ZNF407: variants seen among roughly 807,000 people sequenced by gnomAD.
ZNF407 encodes the protein zinc finger protein 407.
Under a neutral mutation model 131.2 loss-of-function variants are expected in ZNF407, and 17 were observed. The ratio of observed to expected loss-of-function variants is 0.13; its 90% CI spans 0.09 to 0.19. The LOEUF (loss-of-function observed/expected upper bound fraction) is 0.19, where lower values mean the gene tolerates loss of function less well. ZNF407 is among the 10% of genes least tolerant of loss of function. ZNF407 has a pLI of 1.00. For missense variants in ZNF407, 2,681 were observed against 2,830.6 expected, an observed-to-expected ratio of 0.95 and a Z score of 1.20; for synonymous variants, 1,156 against 1,062.0, an observed-to-expected ratio of 1.09 and a Z score of -1.72.
intron 3 of ZNF407, among the ~76,000 whole-genome samples, chr18:74,776,181 C>T (rs1007516620): frequency 6.6e-6 from 1 of 152,202 alleles, no homozygotes; most frequent in African/African-American, 2.4e-5. Flanking sequence ...CTTAAGGGAA[C>T]CTGTTTGCCC....
At chr18:74,617,074 CACACATCCATATCCAT>C (rs1983337547) in intron 1 of ZNF407, among the ~76,000 whole-genome samples, 13 of 106,412 alleles carry the variant, frequency 1.2e-4, no homozygotes, top group African/African-American at 2.4e-4. Flanking sequence ...TCCATATCCA[CACACATCCATATCCAT>C]GCACCAACAC....
At chr18:74,751,338 T>C (rs1968795989) in intron 3 of ZNF407, among the ~76,000 whole-genome samples, 1 of 152,158 alleles carries the variant, frequency 6.6e-6, no homozygotes, top group Non-Finnish European at 1.5e-5. Context: ...CACGTCTCAA[T>C]ACCATTTGTT....
At chr18:74,694,258 C>T (rs936807633) in intron 3 of ZNF407, among the ~76,000 whole-genome samples, 4 of 151,966 alleles carry the variant, frequency 2.6e-5, no homozygotes, top group Non-Finnish European at 4.4e-5. Context: ...AGACTTCACT[C>T]TAGGGATAGT....
At chr18:75,028,465 G>GCC (rs1973197745) in intron 8 of ZNF407, among the ~76,000 whole-genome samples, 1 of 152,106 alleles carries the variant, frequency 6.6e-6, no homozygotes, top group Non-Finnish European at 1.5e-5. Flanking sequence ...CTCTTTAAAG[G>GCC]CCCTGTCTTC....
chr18:75,060,261 AG>A (rs1037952343), intron 8 of ZNF407: 4 of 152,230 alleles, frequency 2.6e-5, no homozygotes, highest in African/African-American at 9.6e-5. Context: ...GAATTTGTTA[AG>A]CTAGACTTAC....
chr18:74,729,317 A>AG (rs1298340892), intron 3 of ZNF407, among the ~76,000 whole-genome samples: 1 of 152,192 alleles, frequency 6.6e-6, no homozygotes, highest in Non-Finnish European at 1.5e-5. Flanking sequence ...TGCCTGTGAA[A>AG]GATGAGAAGT....
chr18:74,784,420 C>A (rs1054300087), intron 4 of ZNF407, among the ~76,000 whole-genome samples: 1 of 152,148 alleles, frequency 6.6e-6, no homozygotes, highest in Non-Finnish European at 1.5e-5. Context: ...AATCCATATA[C>A]TTGTACTATA....
At chr18:74,788,960 T>C (rs1969773902) in intron 4 of ZNF407, among the ~76,000 whole-genome samples, 1 of 151,900 alleles carries the variant, frequency 6.6e-6, no homozygotes, top group African/African-American at 2.4e-5. Context: ...TGCGGATGGG[T>C]GATAATAGGG....
chr18:74,698,262 T>C (rs1044413848), intron 3 of ZNF407, among the ~76,000 whole-genome samples: 3 of 152,208 alleles, frequency 2.0e-5, no homozygotes, highest in African/African-American at 7.2e-5. Context: ...ATATGAGCCA[T>C]TTAGAAACAT....
intron 4 of ZNF407, among the ~76,000 whole-genome samples, chr18:74,782,964 G>A (rs1001484871): frequency 1.3e-5 from 2 of 152,068 alleles, no homozygotes; most frequent in Non-Finnish European, 2.9e-5. Flanking sequence ...TACATGCATT[G>A]AATGTGTCAG....
intron 3 of ZNF407, among the ~76,000 whole-genome samples, chr18:74,643,294 T>A (rs1156984016): frequency 1.3e-5 from 2 of 152,106 alleles, no homozygotes. Flanking sequence ...CATAAGCAGC[T>A]CATGCTGCAT....
In ZNF407 at chr18:74,631,000, G is replaced by T; in HGVS notation, c.-20G>T. ...TGCCAGTGAGCCGCCTTAGATAGAA[G>T]CATCGTCAGCACTTTATTAATGATG... On this transcript the variant is annotated 5_prime_UTR_variant, in exon 2 of 9. Transcript: ENST00000299687. 2 of 1,584,302 alleles carry T rather than the reference G, an allele frequency of 1.3e-6. No individual in the cohort carries two copies. Among genetic ancestry groups the T allele is most frequent in the Non-Finnish European group, 1.7e-6 (2 of 1,168,244 alleles).
At chr18:74,701,545 G>A (rs1967495694) in intron 3 of ZNF407, among the ~76,000 whole-genome samples, 1 of 152,142 alleles carries the variant, frequency 6.6e-6, no homozygotes, top group Non-Finnish European at 1.5e-5. Flanking sequence ...ACGAGTACCA[G>A]AAAGCTTCTC....
rs996851194 is a variant in ZNF407 at position 75,004,107 on chromosome 18, A to C, written c.5429-59043A>C. Among the ~76,000 whole-genome samples the C allele has an allele frequency of 1.2e-4, 19 of 152,312 alleles. No individual in the cohort carries two copies. In the East Asian group the frequency reaches 3.7e-3, roughly 29 times the overall value. ...TTGCTGCCTCACCTGCTACCACTGC[A>C]GTGTGGCCCTGGAGTGCCTGGTCTC... On this transcript the variant is annotated intron_variant, in intron 8 of 8. Coordinates refer to ENST00000299687, the MANE Select transcript of ZNF407 (RefSeq NM_017757.3).
At chr18:74,622,969 C>T (rs757010839) in intron 1 of ZNF407, among the ~76,000 whole-genome samples, 36 of 151,702 alleles carry the variant, frequency 2.4e-4, no homozygotes, top group South Asian at 4.2e-4. Context: ...TATCTGAGTG[C>T]GTGTGTCAGT....
rs183014943 is a variant in ZNF407, at chr18:74,929,557, C to G, written c.5428+8865C>G. On this transcript the variant is annotated intron_variant, in intron 8 of 8. Coordinates refer to ENST00000299687, the MANE Select transcript of ZNF407 (RefSeq NM_017757.3). ...TACTTTTATATAGACTTTTTATCAA[C>G]TAATTCAATATAACTTACATATTTT... Among the ~76,000 whole-genome samples, 597 of 152,238 alleles carry G rather than the reference C, an allele frequency of 3.9e-3. 3 individuals carry two copies. The highest frequency in any genetic ancestry group is 0.012 in the Admixed American group (182 of 15,292).
chr18:74,674,323 G>T (rs893806888), intron 3 of ZNF407, among the ~76,000 whole-genome samples: 1 of 152,164 alleles, frequency 6.6e-6, no homozygotes, highest in African/African-American at 2.4e-5. Flanking sequence ...AATTGGGAGT[G>T]CTGACATCAT....
At chr18:74,918,080 A>T (rs1971796960) in intron 7 of ZNF407, among the ~76,000 whole-genome samples, 2 of 152,222 alleles carry the variant, frequency 1.3e-5, no homozygotes, top group African/African-American at 4.8e-5. Context: ...TAACTGTCAT[A>T]AAAGTGGACA....
chr18:74,865,862 A>G (rs1971003443), intron 4 of ZNF407, among the ~76,000 whole-genome samples: 2 of 152,200 alleles, frequency 1.3e-5, no homozygotes, highest in African/African-American at 4.8e-5. Context: ...GATACCTCAC[A>G]TATGTGTGTA....
Sources: allele counts gnomAD v4.1 joint callset (sites outside exome capture counted in the v4.1 genomes callset), GRCh38; gene constraint gnomAD v4.1.1; transcripts MANE v1.5; gene names NCBI Gene and HGNC (gene_info 2026-07-23, HGNC 2026-07-21).